Variants in CNTNAP2 observed in about 807,000 individuals in gnomAD.
CNTNAP2 encodes contactin associated protein 2.
CNTNAP2 carries 98 observed loss-of-function variants against 155.2 expected under a neutral mutation model. The ratio of observed to expected loss-of-function variants is 0.63; its 90% CI spans 0.54 to 0.75. The LOEUF (loss-of-function observed/expected upper bound fraction) is 0.75. CNTNAP2 is among the 30% of genes least tolerant of loss of function. The probability of loss-of-function intolerance (pLI) is 0.00; values close to 1 mark genes in which losing one functional copy is unlikely to be tolerated. For synonymous variants in CNTNAP2, 651 were observed against 631.2 expected (o/e 1.03, Z -0.47); for missense variants, 1,727 against 1,688.1 (o/e 1.02, Z -0.40).
intron 11 of CNTNAP2, among the ~76,000 whole-genome samples, chr7:147,543,041 G>T (rs981937200): frequency 7.9e-5 from 12 of 152,206 alleles, no homozygotes; most frequent in African/African-American, 2.9e-4. Context: ...CAGAAATATA[G>T]AGGTGTGAAG....
At chr7:147,488,975 T>C (rs1207802511) in intron 11 of CNTNAP2, among the ~76,000 whole-genome samples, 1 of 152,246 alleles carries the variant, frequency 6.6e-6, no homozygotes, top group Non-Finnish European at 1.5e-5. Flanking sequence ...ATTTCATCAC[T>C]TTCAGAGCAA....
Position 147,599,422 on chromosome 7 carries a change from G to T in CNTNAP2, c.1897+37165G>T, listed in dbSNP as rs562773461. Among the ~76,000 whole-genome samples, 42 of 149,192 alleles carry T rather than the reference G, an allele frequency of 2.8e-4. No individual in the cohort carries two copies. The Admixed American group carries it at 2.8e-3, about 10-fold the overall frequency. On this transcript the variant is annotated intron_variant, in intron 12 of 23. Transcript: ENST00000361727. The stretch of plus-strand genomic sequence containing the variant: ...CACTTTAACCCAGGAGGTGGAGGTT[G>T]CGGTAAGCCAAGATGGCACCATTGC...
intron 1 of CNTNAP2, among the ~76,000 whole-genome samples, chr7:146,430,309 A>G (rs939198945): frequency 1.3e-5 from 2 of 151,946 alleles, no homozygotes; most frequent in South Asian, 2.1e-4. Flanking sequence ...AAGTATATCT[A>G]TTTATTTATT....
At chr7:148,410,435 C>T (rs1465757749) in intron 23 of CNTNAP2, among the ~76,000 whole-genome samples, 2 of 151,854 alleles carry the variant, frequency 1.3e-5, no homozygotes, top group African/African-American at 2.4e-5. Flanking sequence ...GGCGTGGTGG[C>T]GCATTCCTGT....
chr7:147,439,834 G>A (rs1797608384), intron 10 of CNTNAP2, among the ~76,000 whole-genome samples: 1 of 151,896 alleles, frequency 6.6e-6, no homozygotes, highest in Non-Finnish European at 1.5e-5. Flanking sequence ...ATTATAGAAT[G>A]ACCTTTGTTT....
rs571754868 is a variant in CNTNAP2, at chr7:146,725,709, C to A, written c.98-48562C>A. On this transcript the variant is annotated intron_variant, in intron 1 of 23. Transcript: ENST00000361727. Reference sequence around the variant, plus strand: ...CATGCACATCTGATGATGGATGGCTCCACCTGGACCCACTAATCACTCCAG... The same window carrying A: ...CATGCACATCTGATGATGGATGGCTACACCTGGACCCACTAATCACTCCAG... Among the ~76,000 whole-genome samples, 4 of 152,156 alleles carry A rather than the reference C, an allele frequency of 2.6e-5. No homozygotes were observed. In the South Asian group the frequency reaches 8.3e-4, roughly 32 times the overall value.
intron 1 of CNTNAP2, among the ~76,000 whole-genome samples, chr7:146,721,030 A>ACT (rs1554472268): frequency 7.5e-6 from 1 of 133,020 alleles, no homozygotes; most frequent in African/African-American, 2.9e-5. Flanking sequence ...TATTATATAT[A>ACT]CTCTATATAT....
chr7:146,375,670 C>G (rs1795294615), intron 1 of CNTNAP2, among the ~76,000 whole-genome samples: 1 of 152,124 alleles, frequency 6.6e-6, no homozygotes, highest in Non-Finnish European at 1.5e-5. Context: ...ACTCTGATTG[C>G]TTTTAAAAAG....
chr7:147,878,319 G>T (rs989712041), intron 13 of CNTNAP2, among the ~76,000 whole-genome samples: 1 of 151,948 alleles, frequency 6.6e-6, no homozygotes, highest in African/African-American at 2.4e-5. Context: ...TTCAAATTAA[G>T]GACAATGTCA....
At chr7:147,931,593 CA>C (rs1800504955) in intron 14 of CNTNAP2, among the ~76,000 whole-genome samples, 1 of 152,188 alleles carries the variant, frequency 6.6e-6, no homozygotes, top group South Asian at 2.1e-4. Flanking sequence ...GATCATACAC[CA>C]CAACCAGGTA....
At chr7:147,097,904 T>C (rs1800576312) in intron 4 of CNTNAP2, among the ~76,000 whole-genome samples, 1 of 152,236 alleles carries the variant, frequency 6.6e-6, no homozygotes. Context: ...GGCTTTGTAA[T>C]ATTGGATTTA....
chr7:147,587,413 A>G (rs1368520064), intron 12 of CNTNAP2, among the ~76,000 whole-genome samples: 1 of 152,168 alleles, frequency 6.6e-6, no homozygotes, highest in African/African-American at 2.4e-5. Flanking sequence ...CATGCAATTA[A>G]TTGACAGAGA....
At chr7:147,408,402 T>A (rs1421852889) in intron 10 of CNTNAP2, among the ~76,000 whole-genome samples, 1 of 152,156 alleles carries the variant, frequency 6.6e-6, no homozygotes, top group African/African-American at 2.4e-5. Context: ...GTAGGTTCTT[T>A]CACAGACTGG....
chr7:148,406,428 CTAAT>C (rs1156507481), intron 22 of CNTNAP2, among the ~76,000 whole-genome samples: 1 of 152,158 alleles, frequency 6.6e-6, no homozygotes, highest in Non-Finnish European at 1.5e-5. Flanking sequence ...CAATACAAAA[CTAAT>C]TAATTCCTCA....
rs1798041891 is a variant in CNTNAP2, at chr7:146,151,646, AT to A, written c.97+34674del. 3.1e-3 allele frequency among the ~76,000 whole-genome samples: 219 copies of A among 70,278 alleles called. 6 individuals are homozygous for A. Among genetic ancestry groups the A allele is most frequent in the African/African-American group, 6.9e-3 (181 of 26,070 alleles). 46.1% of individuals were successfully genotyped at this position (70,278 alleles called of 152,430 possible). ...GACAAAGAAAACGTGATATATATAT[AT>A]ATATATATATATATATATATATATA... is the stretch of plus-strand genomic sequence containing the variant. On this transcript the variant is annotated intron_variant, in intron 1 of 23. Transcript: ENST00000361727.
intron 9 of CNTNAP2, among the ~76,000 whole-genome samples, chr7:147,359,791 C>T (rs939807946): frequency 1.1e-4 from 16 of 152,002 alleles, no homozygotes; most frequent in African/African-American, 3.6e-4. Flanking sequence ...TCCCTGACCG[C>T]CCTAAAGTAG....
At chr7:147,775,284 A>AATAT (rs1175635782) in intron 13 of CNTNAP2, among the ~76,000 whole-genome samples, 1 of 81,052 alleles carries the variant, frequency 1.2e-5, no homozygotes. Flanking sequence ...TATATTTATA[A>AATAT]ATATATATAT....
intron 8 of CNTNAP2, among the ~76,000 whole-genome samples, chr7:147,239,051 A>G (rs1471389064): frequency 6.6e-6 from 1 of 151,848 alleles, no homozygotes; most frequent in African/African-American, 2.4e-5. Context: ...AACTCAAAAG[A>G]AGAAAGAAAA....
At chr7:146,385,014 T>G (rs536650481) in intron 1 of CNTNAP2, among the ~76,000 whole-genome samples, 1 of 152,284 alleles carries the variant, frequency 6.6e-6, no homozygotes, top group East Asian at 1.9e-4. Flanking sequence ...GAATAAGTCC[T>G]TATTTGTATA....
Sources: allele counts gnomAD v4.1 joint callset (sites outside exome capture counted in the v4.1 genomes callset), GRCh38; gene constraint gnomAD v4.1.1; transcripts MANE v1.5; gene names NCBI Gene and HGNC (gene_info 2026-07-23, HGNC 2026-07-21).